Variants in NFIX observed in about 807,000 individuals in gnomAD.
NFIX encodes the protein nuclear factor I X.
NFIX carries 2 observed loss-of-function variants against 53.3 expected under a neutral mutation model. The ratio of observed to expected loss-of-function variants is 0.04; its 90% CI spans 0.02 to 0.12. The LOEUF is 0.12. Ranked by LOEUF, NFIX falls within the 10% of genes least tolerant of loss-of-function variation. The pLI, the probability that NFIX is intolerant of heterozygous loss-of-function variation, is 1.00. For missense variants in NFIX, 310 were observed against 674.5 expected, an observed-to-expected ratio of 0.46 and a Z score of 5.99; for synonymous variants, 244 against 289.0, an observed-to-expected ratio of 0.84 and a Z score of 1.58.
chr19:13,031,293 G>A (rs1382705980), intron 2 of NFIX, among the ~76,000 whole-genome samples: 3 of 152,140 alleles, frequency 2.0e-5, no homozygotes, highest in Admixed American at 2.0e-4. Context: ...GTCGGAGCTT[G>A]AGCCAGCAAA....
Position 13,072,398 on chromosome 19 carries a change from G to A in NFIX, c.560-649G>A, listed in dbSNP as rs1427057632. ...CCAGACAGGCTGGCACAGAGCGGGC[G>A]ACAGCGTCAGGGCAGACCTCCCCCC... On this transcript the variant is annotated intron_variant, in intron 2 of 10. Coordinates refer to ENST00000592199, the MANE Select transcript of NFIX (RefSeq NM_001365902.3). This position sits in a 1 kb window ranked among gnomAD's most constrained non-coding sequence, Gnocchi z 4.0. 2.0e-5 allele frequency among the ~76,000 whole-genome samples: 3 copies of A among 152,268 alleles called. No individual in the cohort carries two copies. The highest frequency in any genetic ancestry group is 2.9e-5 in the Non-Finnish European group (2 of 68,052).
In NFIX at chr19:13,006,673, G is replaced by T. The variant is rs966251240; in HGVS notation, c.27+10809G>T. Among the ~76,000 whole-genome samples, 14 of 152,192 alleles carry T rather than the reference G, an allele frequency of 9.2e-5. No homozygotes were observed. Among genetic ancestry groups the T allele is most frequent in the African/African-American group, 3.4e-4 (14 of 41,452 alleles). ...TACCAGGCTGCGCCATCTTTGCAGG[G>T]TCTTGGGGATCTGCCCACAGCTTGG... On this transcript the variant is annotated intron_variant, in intron 1 of 10. Coordinates refer to ENST00000592199, the MANE Select transcript of NFIX (RefSeq NM_001365902.3). The surrounding 1 kb of genome is among the most constrained non-coding windows in gnomAD (Gnocchi z 5.6).
At position 12,996,168 on chromosome 19, in the gene NFIX, TG is replaced by T. The variant is rs2011460965; in HGVS notation, c.27+305del. On this transcript the variant is annotated intron_variant, in intron 1 of 10. Coordinates refer to ENST00000592199, the MANE Select transcript of NFIX (RefSeq NM_001365902.3). This position sits in a 1 kb window ranked among gnomAD's most constrained non-coding sequence, Gnocchi z 5.2. ...GTGTGTGTGTGTGTGTGTGTGTGTG[TG>T]TGCGCGCTCGACTGGGGTGCGATGG... Among the ~76,000 whole-genome samples, 3 of 150,722 alleles carry T rather than the reference TG, an allele frequency of 2.0e-5. No homozygotes were observed. Among genetic ancestry groups the T allele is most frequent in the Non-Finnish European group, 4.4e-5 (3 of 67,772 alleles).
In NFIX at chr19:13,060,500, C is replaced by T. The variant is rs1485095046; in HGVS notation, c.560-12547C>T. 6.6e-6 allele frequency among the ~76,000 whole-genome samples: 1 copy of T among 152,248 alleles called. No individual in the cohort carries two copies. Among genetic ancestry groups the T allele is most frequent in the Non-Finnish European group, 1.5e-5 (1 of 68,042 alleles). On this transcript the variant is annotated intron_variant, in intron 2 of 10. Coordinates refer to ENST00000592199, the MANE Select transcript of NFIX (RefSeq NM_001365902.3). This position sits in a 1 kb window ranked among gnomAD's most constrained non-coding sequence, Gnocchi z 4.3. ...GGGCGCCTGCTGTGTGCAGAATCTA[C>T]CCCGAAACCTATAGCTTAGGAGAAG...
intron 1 of NFIX, among the ~76,000 whole-genome samples, chr19:13,007,033 G>A (rs1029208351): frequency 2.0e-5 from 3 of 152,124 alleles, no homozygotes; most frequent in African/African-American, 4.8e-5. Context: ...TGGAAGGGCC[G>A]GGCTGCCTCT....
Position 13,025,803 on chromosome 19 carries a change from G to A in NFIX, c.559+251G>A, listed in dbSNP as rs550584743. Among the ~76,000 whole-genome samples, 3 of 152,266 alleles carry A rather than the reference G, an allele frequency of 2.0e-5. No homozygotes were observed. Among genetic ancestry groups the A allele is most frequent in the East Asian group, 1.9e-4 (1 of 5,178 alleles). On this transcript the variant is annotated intron_variant, in intron 2 of 10. Coordinates refer to ENST00000592199, the MANE Select transcript of NFIX (RefSeq NM_001365902.3). The surrounding 1 kb of genome is among the most constrained non-coding windows in gnomAD (Gnocchi z 7.5). ...TCGACTTTGTGCATCTCCATCTTTGGAGGACTTATCTGATCAGAAAGATGC... is the reference window on the plus strand; with the variant it reads ...TCGACTTTGTGCATCTCCATCTTTGAAGGACTTATCTGATCAGAAAGATGC...
Position 13,001,299 on chromosome 19 carries a change from C to G in NFIX, c.27+5435C>G, listed in dbSNP as rs537015714. Reference sequence around the variant, plus strand: ...AGCGTGTGTCTGCCCGGGTCCCTCTCCATGCCTCTCCATGTCTCCCAGCGT... The same window carrying G: ...AGCGTGTGTCTGCCCGGGTCCCTCTGCATGCCTCTCCATGTCTCCCAGCGT... On this transcript the variant is annotated intron_variant, in intron 1 of 10. Transcript: ENST00000592199. The surrounding 1 kb of genome is among the most constrained non-coding windows in gnomAD (Gnocchi z 6.5). 1.4e-4 allele frequency among the ~76,000 whole-genome samples: 21 copies of G among 152,286 alleles called. No homozygotes were observed. The South Asian group carries it at 4.1e-3, about 30-fold the overall frequency.
chr19:13,003,000 T>A lies in NFIX; in HGVS notation c.27+7136T>A, dbSNP rs961207082. On this transcript the variant is annotated intron_variant, in intron 1 of 10. Transcript: ENST00000592199. This position sits in a 1 kb window ranked among gnomAD's most constrained non-coding sequence, Gnocchi z 6.1. Reference sequence around the variant, plus strand: ...AGCATGGAGGTGCACCCGACCCCCCTGGGCCTTTTAGTCCAAGGCAGGCAG... The same window carrying A: ...AGCATGGAGGTGCACCCGACCCCCCAGGGCCTTTTAGTCCAAGGCAGGCAG... Among the ~76,000 whole-genome samples, 15 of 152,110 alleles carry A rather than the reference T, an allele frequency of 9.9e-5. No individual in the cohort carries two copies. The highest frequency in any genetic ancestry group is 2.9e-5 in the Non-Finnish European group (2 of 68,012).
rs1457812339 is a variant in NFIX at position 13,067,478 on chromosome 19, GTGTGCGTGTGTGTGTGTGTGTGTGTGTA to G, written c.560-5564_560-5537del. ...TGTGTGCGCGCGTGTGTGTGTGTGT[GTGTGCGTGTGTGTGTGTGTGTGTGTGTA>G]TGTGTGTGTCTGAGTCTGAGCATAT... is the stretch of plus-strand genomic sequence containing the variant. On this transcript the variant is annotated intron_variant, in intron 2 of 10. Coordinates refer to ENST00000592199, the MANE Select transcript of NFIX (RefSeq NM_001365902.3). This position sits in a 1 kb window ranked among gnomAD's most constrained non-coding sequence, Gnocchi z 4.2. Among the ~76,000 whole-genome samples, 1 of 92,258 alleles carries G rather than the reference GTGTGCGTGTGTGTGTGTGTGTGTGTGTA, an allele frequency of 1.1e-5. No individual in the cohort carries two copies. The highest frequency in any genetic ancestry group is 2.0e-5 in the Non-Finnish European group (1 of 48,898). The allele number at this position is 92,258 out of a possible 152,430, so 60.5% of individuals were successfully genotyped here.
At chr19:13,082,204 C>G (rs1027210658) in intron 8 of NFIX, 1 of 282,256 alleles carries the variant, frequency 3.5e-6, no homozygotes, top group Admixed American at 4.7e-5. Flanking sequence ...TCTTAAACCT[C>G]GGGGCTGCAA....
At position 13,014,305 on chromosome 19, in the gene NFIX, C is replaced by G. The variant is rs1277252877; in HGVS notation, c.28-10716C>G. On this transcript the variant is annotated intron_variant, in intron 1 of 10. Transcript: ENST00000592199. The surrounding 1 kb of genome is among the most constrained non-coding windows in gnomAD (Gnocchi z 4.4). Reference sequence around the variant, plus strand: ...TTCTTCTCCCCGAGTTGGAGACAGCCCTCTCCTCTTCCCTCCCCCGCCTCT... The same window carrying G: ...TTCTTCTCCCCGAGTTGGAGACAGCGCTCTCCTCTTCCCTCCCCCGCCTCT... The G allele has an allele frequency of 6.6e-6, 1 of 152,282 alleles. No individual in the cohort carries two copies. The highest frequency in any genetic ancestry group is 2.4e-5 in the African/African-American group (1 of 41,464). 9.4% of individuals were successfully genotyped at this position (152,282 alleles called of 1,614,324 possible). A position where few individuals can be genotyped will look rare whatever the true frequency, so the allele number is the denominator to read the frequency against.
chr19:13,062,839 G>C (rs2016175116), intron 2 of NFIX, among the ~76,000 whole-genome samples: 1 of 152,172 alleles, frequency 6.6e-6, no homozygotes. Flanking sequence ...CCTGGGTACT[G>C]AGTGCTCTCT....
At chr19:13,039,183 C>A (rs1230231079) in intron 2 of NFIX, among the ~76,000 whole-genome samples, 3 of 151,480 alleles carry the variant, frequency 2.0e-5, no homozygotes, top group Non-Finnish European at 2.9e-5. Context: ...AATCTCTGGG[C>A]ATAGTTTCAA....
chr19:13,073,494 AGAGT>A lies in NFIX; in HGVS notation c.696_697+2del. On this transcript the variant is annotated splice_donor_variant and coding_sequence_variant, in exon 4 of 11. Transcript: ENST00000592199. LOFTEE classifies it high-confidence loss of function. The surrounding 1 kb of genome is among the most constrained non-coding windows in gnomAD (Gnocchi z 4.5). The stretch of plus-strand genomic sequence containing the variant: ...GTGACGGAGCTGGTGAGAGTATCAC[AGAGT>A]AAGTGAGTCCTTCCTTCCAGGCCAG... 1 of 1,613,414 alleles carries A rather than the reference AGAGT, an allele frequency of 6.2e-7. No individual in the cohort carries two copies. Among genetic ancestry groups the A allele is most frequent in the Non-Finnish European group, 8.5e-7 (1 of 1,179,360 alleles).
In NFIX at chr19:13,003,302, G is replaced by A. The variant is rs180962464; in HGVS notation, c.27+7438G>A. On this transcript the variant is annotated intron_variant, in intron 1 of 10. Transcript: ENST00000592199. ...CGGCCACACCCGAACACATCGATGC[G>A]GCATTACACACTCAGGGACGTGCAT... is the stretch of plus-strand genomic sequence containing the variant. Among the ~76,000 whole-genome samples, 7 of 152,204 alleles carry A rather than the reference G, an allele frequency of 4.6e-5. No homozygotes were observed. The East Asian group carries it at 5.8e-4, about 13-fold the overall frequency.
intron 2 of NFIX, among the ~76,000 whole-genome samples, chr19:13,044,014 A>C (rs2014817801): frequency 6.6e-6 from 1 of 152,174 alleles, no homozygotes; most frequent in Non-Finnish European, 1.5e-5. Flanking sequence ...ATCATTTTCT[A>C]CATCCTATTC....
At position 13,022,781 on chromosome 19, in the gene NFIX, G is replaced by A. The variant is rs1242878883; in HGVS notation, c.28-2240G>A. Among the ~76,000 whole-genome samples, 3 of 151,908 alleles carry A rather than the reference G, an allele frequency of 2.0e-5. No homozygotes were observed. Among genetic ancestry groups the A allele is most frequent in the Admixed American group, 1.3e-4 (2 of 15,256 alleles). ...TTTTTCAGGCTTAAAAAAAAATTTC[G>A]AGTCTTCCACAATCCCAGTCCCCCC... On this transcript the variant is annotated intron_variant, in intron 1 of 10. Transcript: ENST00000592199. The surrounding 1 kb of genome is among the most constrained non-coding windows in gnomAD (Gnocchi z 4.5).
rs1599841492 is a variant in NFIX, at chr19:13,072,270, C to G, written c.560-777C>G. ...CCAAGCTCAGCAAAATATTCACACACACACTCCACCCTGCCCCCAGCCCTC... is the reference window on the plus strand; with the variant it reads ...CCAAGCTCAGCAAAATATTCACACAGACACTCCACCCTGCCCCCAGCCCTC... On this transcript the variant is annotated intron_variant, in intron 2 of 10. Transcript: ENST00000592199. The surrounding 1 kb of genome is among the most constrained non-coding windows in gnomAD (Gnocchi z 4.0). Among the ~76,000 whole-genome samples, 1 of 152,164 alleles carries G rather than the reference C, an allele frequency of 6.6e-6. No homozygotes were observed. Among genetic ancestry groups the G allele is most frequent in the African/African-American group, 2.4e-5 (1 of 41,444 alleles).
At position 13,040,051 on chromosome 19, in the gene NFIX, T is replaced by C. The variant is rs1324050710; in HGVS notation, c.559+14499T>C. On this transcript the variant is annotated intron_variant, in intron 2 of 10. Coordinates refer to ENST00000592199, the MANE Select transcript of NFIX (RefSeq NM_001365902.3). The surrounding 1 kb of genome is among the most constrained non-coding windows in gnomAD (Gnocchi z 4.2). ...GAAGCTTCCAGAATGCTGGAAGGAGTGTGGCAGGCAAGTGAGAAGCTGTGG... is the reference window on the plus strand; with the variant it reads ...GAAGCTTCCAGAATGCTGGAAGGAGCGTGGCAGGCAAGTGAGAAGCTGTGG... Among the ~76,000 whole-genome samples, 1 of 151,724 alleles carries C rather than the reference T, an allele frequency of 6.6e-6. No individual in the cohort carries two copies. Among genetic ancestry groups the C allele is most frequent in the Non-Finnish European group, 1.5e-5 (1 of 67,914 alleles).
Sources: gnomAD v4.1 joint callset for allele counts (sites outside exome capture counted in the v4.1 genomes callset) on GRCh38, gnomAD v4.1.1 for gene constraint, Gnocchi (gnomAD v3.1) non-coding constraint, MANE v1.5 for transcripts, NCBI Gene and HGNC (gene_info 2026-07-23, HGNC 2026-07-21) for gene names.